Variants in ACACA observed in about 807,000 individuals in gnomAD.
ACACA encodes the protein acetyl-CoA carboxylase alpha, also known as acetyl-CoA carboxylase 1.
A neutral mutation model predicts 296.1 loss-of-function variants in ACACA; 103 were observed. The observed-to-expected ratio is 0.35, with a 90% confidence interval of 0.30 to 0.41. ACACA has a LOEUF of 0.41. Among genes scored for constraint, ACACA ranks in the 10% least tolerant of loss-of-function variants. The pLI, the probability that ACACA is intolerant of heterozygous loss-of-function variation, is 1.00. For synonymous variants in ACACA, 953 were observed against 1,038.6 expected, an observed-to-expected ratio of 0.92 and a Z score of 1.58; for missense variants, 1,554 against 2,989.7, an observed-to-expected ratio of 0.52 and a Z score of 11.20.
chr17:37,386,327 C>T (rs2050528261), intron 1 of ACACA, among the ~76,000 whole-genome samples: 1 of 152,052 alleles, frequency 6.6e-6, no homozygotes, highest in Non-Finnish European at 1.5e-5. Flanking sequence ...TGCTGTGGCT[C>T]ATGTCTGTAA....
At chr17:37,357,151 A>G (rs2049179981) in intron 1 of ACACA, among the ~76,000 whole-genome samples, 1 of 152,226 alleles carries the variant, frequency 6.6e-6, no homozygotes, top group African/African-American at 2.4e-5. Context: ...CTTTTTAAAA[A>G]GCAATTTAAT....
intron 3 of ACACA, among the ~76,000 whole-genome samples, chr17:37,308,315 G>T (rs577394864): frequency 2.0e-5 from 3 of 152,286 alleles, no homozygotes; most frequent in East Asian, 3.9e-4. Context: ...ACGAATTTAT[G>T]AGTGAATACA....
At chr17:37,220,703 G>C (rs2079245738) in intron 29 of ACACA, among the ~76,000 whole-genome samples, 1 of 152,184 alleles carries the variant, frequency 6.6e-6, no homozygotes. Flanking sequence ...TACTTTTTCT[G>C]AAGATGCCTC....
rs2229416 is a variant in ACACA, at chr17:37,252,940, C to T, written c.1923G>A (p.Gln641=). The change falls in exon 15 of 56, where the codon CAG becomes CAA. Residue 641 remains glutamine (Q), a synonymous_variant. Coordinates refer to ENST00000616317, the MANE Select transcript of ACACA (RefSeq NM_198834.3). ...GCCAGCCAGTATCAATTCTGTTCAT[C>T]TGAAAGCTTTCAGTCTCTAACAATT... ...LIKLLETESF[Q]MNRIDTGWLD... 234,069 of 1,614,036 alleles carry T rather than the reference C, an allele frequency of 0.15. 21,743 individuals are homozygous for T. Among genetic ancestry groups the T allele is most frequent in the East Asian group, 0.42 (18,993 of 44,854 alleles).
In ACACA at chr17:37,247,124, T is replaced by A. The variant is rs574091353; in HGVS notation, c.2310-148A>T. The A allele has an allele frequency of 2.3e-5, 20 of 879,220 alleles. No homozygotes were observed. The African/African-American group carries it at 3.0e-4, about 13-fold the overall frequency. The allele number at this position is 879,220 out of a possible 1,614,324, so 54.5% of individuals were successfully genotyped here. On this transcript the variant is annotated intron_variant, in intron 18 of 55. Coordinates refer to ENST00000616317, the MANE Select transcript of ACACA (RefSeq NM_198834.3). ...ATATTCACTGCATATTTGTTTACAA[T>A]GTCAATTAACATAAATTTCCTTCAA...
chr17:37,260,298 T>A (rs1326429307), intron 11 of ACACA, among the ~76,000 whole-genome samples: 615 of 30,846 alleles, frequency 0.02, 3 homozygotes, highest in African/African-American at 0.11. Context: ...ATATATATAT[T>A]TTTTTTTTTT....
intron 2 of ACACA, among the ~76,000 whole-genome samples, chr17:37,333,398 G>A (rs2047974592): frequency 6.6e-6 from 1 of 152,092 alleles, no homozygotes; most frequent in South Asian, 2.1e-4. Context: ...AGATATTGGA[G>A]CCAAAAGAGC....
intron 30 of ACACA, among the ~76,000 whole-genome samples, chr17:37,210,124 G>A (rs1258969803): frequency 6.6e-6 from 1 of 152,090 alleles, no homozygotes; most frequent in African/African-American, 2.4e-5. Context: ...TAACCTTAAG[G>A]GTTTCTCCTC....
chr17:37,226,645 C>G (rs1407540590), intron 25 of ACACA, among the ~76,000 whole-genome samples, 193 bp from the exon 26 acceptor site: 1 of 152,172 alleles, frequency 6.6e-6, no homozygotes, highest in East Asian at 1.9e-4. Flanking sequence ...TAAGGAGAGG[C>G]AGCCCAAATC....
chr17:37,215,218 A>G, intron 29 of ACACA, among the ~76,000 whole-genome samples: 1 of 152,232 alleles, frequency 6.6e-6, no homozygotes, highest in East Asian at 1.9e-4. Context: ...CAAACAGCAG[A>G]GAAGGTACAG....
intron 3 of ACACA, among the ~76,000 whole-genome samples, chr17:37,297,961 T>C (rs1348223933): frequency 6.6e-6 from 1 of 152,098 alleles, no homozygotes; most frequent in African/African-American, 2.4e-5. Context: ...TCAGTTACTT[T>C]GGAAAAAAAA....
chr17:37,152,246 T>C (rs924890886), intron 43 of ACACA, among the ~76,000 whole-genome samples: 6 of 152,218 alleles, frequency 3.9e-5, no homozygotes, highest in African/African-American at 1.4e-4. Context: ...TTTGATGTTA[T>C]AGATGGCCCT....
intron 35 of ACACA, among the ~76,000 whole-genome samples, chr17:37,199,834 A>AAG (rs1337302994): frequency 1.4e-4 from 21 of 151,666 alleles, no homozygotes; most frequent in African/African-American, 2.2e-4. Context: ...TTAAAAAAAA[A>AAG]AAGAAGAAAA....
chr17:37,209,039 T>C (rs996366835), intron 30 of ACACA, among the ~76,000 whole-genome samples: 5 of 152,188 alleles, frequency 3.3e-5, no homozygotes, highest in African/African-American at 1.2e-4. Context: ...TCACACAGAC[T>C]ATAGAGACTG....
chr17:37,158,279 G>C (rs1162758515), intron 42 of ACACA, among the ~76,000 whole-genome samples: 2 of 152,104 alleles, frequency 1.3e-5, no homozygotes. Context: ...TTGTGTTCAG[G>C]GGTAAGATAT....
intron 1 of ACACA, among the ~76,000 whole-genome samples, chr17:37,346,471 G>A (rs933037857): frequency 6.6e-6 from 1 of 152,076 alleles, no homozygotes; most frequent in Non-Finnish European, 1.5e-5. Flanking sequence ...GGAGGCCAAG[G>A]CAGGTAAATC....
intron 3 of ACACA, among the ~76,000 whole-genome samples, chr17:37,325,027 C>G (rs2047537071): frequency 6.6e-6 from 1 of 150,932 alleles, no homozygotes; most frequent in Non-Finnish European, 1.5e-5. Flanking sequence ...ACGGTGAAAC[C>G]CTGTCTCTGC....
intron 45 of ACACA, chr17:37,143,644 T>A (rs1259584861): frequency 1.1e-6 from 1 of 890,532 alleles, no homozygotes; most frequent in East Asian, 2.6e-5. Context: ...GGTTAAATGC[T>A]TTATAGACAA....
intron 25 of ACACA, among the ~76,000 whole-genome samples, chr17:37,231,371 T>C (rs1310240058): frequency 6.6e-6 from 1 of 152,210 alleles, no homozygotes; most frequent in African/African-American, 2.4e-5. Flanking sequence ...TTTAGCCGGG[T>C]AGGCACTAAA....
Sources: allele counts gnomAD v4.1 joint callset (sites outside exome capture counted in the v4.1 genomes callset), GRCh38; gene constraint gnomAD v4.1.1; transcripts MANE v1.5; gene names NCBI Gene and HGNC (gene_info 2026-07-23, HGNC 2026-07-21).